The following NNT variants were observed in gnomAD, a reference collection of about 807,000 sequenced individuals.
NNT encodes nicotinamide nucleotide transhydrogenase.
A neutral mutation model predicts 104.8 loss-of-function variants in NNT; 50 were observed. That is an observed-to-expected ratio of 0.48 (90% confidence interval 0.38 to 0.60). NNT has a LOEUF of 0.60. Ranked by LOEUF, NNT falls within the 20% of genes least tolerant of loss-of-function variation. NNT has a pLI of 0.00. For missense variants in NNT, 1,131 were observed against 1,330.7 expected (o/e 0.85, Z 2.33); for synonymous variants, 461 against 490.4 (o/e 0.94, Z 0.79).
intron 7 of NNT, among the ~76,000 whole-genome samples, chr5:43,638,448 G>C (rs991061726): frequency 6.6e-6 from 1 of 152,112 alleles, no homozygotes; most frequent in Non-Finnish European, 1.5e-5. Flanking sequence ...GGTTCTTACT[G>C]TGTAAATGAT....
chr5:43,691,355 C>T (rs964799769), intron 19 of NNT, among the ~76,000 whole-genome samples: 40 of 152,214 alleles, frequency 2.6e-4, no homozygotes, highest in African/African-American at 7.0e-4. Context: ...CCGCCCATCT[C>T]GGCCTCTTAA....
intron 18 of NNT, 106 bp from the exon 19 acceptor site, chr5:43,677,619 T>G: frequency 1.1e-6 from 1 of 943,312 alleles, no homozygotes. Flanking sequence ...TGTTAAATGA[T>G]TGCCTCTGTT....
intron 5 of NNT, among the ~76,000 whole-genome samples, chr5:43,622,065 A>T (rs147686307): frequency 6.6e-6 from 1 of 152,194 alleles, no homozygotes; most frequent in Non-Finnish European, 1.5e-5. Flanking sequence ...TAAAAAAATC[A>T]TGTGGCTGTT....
Position 43,645,417 on chromosome 5 carries a change from A to G in NNT, c.1351A>G (p.Lys451Glu). 1 of 1,569,678 alleles carries G rather than the reference A, an allele frequency of 6.4e-7. No homozygotes were observed. Among genetic ancestry groups the G allele is most frequent in the Non-Finnish European group, 8.6e-7 (1 of 1,156,522 alleles). Residue 451 changes from lysine to glutamate, a missense_variant, in exon 10 of 22, where the codon AAA becomes GAA. Physicochemically the swap from Lys to Glu is moderately conservative, Grantham distance 56 (BLOSUM62 1). Coordinates refer to ENST00000344920, the MANE Select transcript of NNT (RefSeq NM_182977.3). ...AAATATTCCTCAAGGTGCCCCAGTAAAACAGAAGACAGTGGCTGAGCTGGA... is the reference window on the plus strand; with the variant it reads ...AAATATTCCTCAAGGTGCCCCAGTAGAACAGAAGACAGTGGCTGAGCTGGA... ...PKNIPQGAPVKQKTVAELEAE... is the reference protein window; with the variant it reads ...PKNIPQGAPVEQKTVAELEAE...
intron 17 of NNT, among the ~76,000 whole-genome samples, chr5:43,660,592 T>A (rs943207513): frequency 2.0e-5 from 3 of 152,202 alleles, no homozygotes; most frequent in African/African-American, 7.2e-5. Flanking sequence ...GGGTAATTTA[T>A]GAAGTAAAGA....
At chr5:43,659,150 C>T (rs887610716) in intron 16 of NNT, 21 bp from the exon 17 acceptor site, 5 of 1,524,796 alleles carry the variant, frequency 3.3e-6, no homozygotes, top group Non-Finnish European at 4.4e-6. Flanking sequence ...ATTTTGAGTT[C>T]TGATTTGATT....
chr5:43,616,658 A>C (rs35773835), intron 4 of NNT, among the ~76,000 whole-genome samples: 5,876 of 152,266 alleles, frequency 0.039, 146 homozygotes, highest in East Asian at 0.12. Flanking sequence ...AATACATTCT[A>C]TGTTGATTGC....
chr5:43,688,318 G>T (rs1244640930), intron 19 of NNT, among the ~76,000 whole-genome samples: 3 of 152,134 alleles, frequency 2.0e-5, no homozygotes, highest in Admixed American at 6.5e-5. Flanking sequence ...AAGTTGGGGT[G>T]ATGTAGCCCC....
At chr5:43,635,680 G>A (rs192091109) in intron 7 of NNT, among the ~76,000 whole-genome samples, 1 of 152,264 alleles carries the variant, frequency 6.6e-6, no homozygotes, top group East Asian at 1.9e-4. Flanking sequence ...GCTTGTGGTT[G>A]GCTGCCCTCT....
At chr5:43,625,378 T>G (rs1750306521) in intron 6 of NNT, among the ~76,000 whole-genome samples, 1 of 152,190 alleles carries the variant, frequency 6.6e-6, no homozygotes, top group African/African-American at 2.4e-5. Context: ...TTTTTCTTTA[T>G]AATTTATTAA....
intron 17 of NNT, among the ~76,000 whole-genome samples, chr5:43,665,441 C>T (rs527962874): frequency 1.3e-4 from 19 of 151,984 alleles, no homozygotes; most frequent in South Asian, 4.2e-4. Context: ...TGACTCTTAA[C>T]GAGCATGCTG....
intron 19 of NNT, among the ~76,000 whole-genome samples, chr5:43,695,799 T>A (rs1358094146): frequency 6.6e-6 from 1 of 152,112 alleles, no homozygotes; most frequent in Non-Finnish European, 1.5e-5. Context: ...TCAAGTCACA[T>A]CTTACATGGA....
At chr5:43,603,720 G>A (rs1300803810) in intron 1 of NNT, among the ~76,000 whole-genome samples, 1 of 152,112 alleles carries the variant, frequency 6.6e-6, no homozygotes, top group East Asian at 1.9e-4. Context: ...GAGGACTTTC[G>A]ATGGGCGGTT....
At chr5:43,636,197 G>A (rs570673709) in intron 7 of NNT, among the ~76,000 whole-genome samples, 7 of 152,074 alleles carry the variant, frequency 4.6e-5, no homozygotes, top group African/African-American at 7.2e-5. Flanking sequence ...GTGTAGGGCT[G>A]GGCATAGAGA....
At position 43,605,002 on chromosome 5, in the gene NNT, G is replaced by A. The variant is rs527882437; in HGVS notation, c.-54+1708G>A. Among the ~76,000 whole-genome samples the A allele has an allele frequency of 3.3e-5, 5 of 152,220 alleles. No individual in the cohort carries two copies. The South Asian group carries it at 1.0e-3, about 32-fold the overall frequency. ...TATTATTCCCCATTTTAAAGATGAG[G>A]AAATTAAGTACAGGGAAGTTAAGTG... On this transcript the variant is annotated intron_variant, in intron 1 of 21. Transcript: ENST00000344920.
intron 19 of NNT, among the ~76,000 whole-genome samples, chr5:43,693,035 T>A (rs1476349163): frequency 6.6e-6 from 1 of 150,774 alleles, no homozygotes; most frequent in East Asian, 2.0e-4. Flanking sequence ...TTAAGTAAGC[T>A]TTATTTATTT....
At chr5:43,648,476 A>G (rs1037648173) in intron 10 of NNT, 2 of 154,832 alleles carry the variant, frequency 1.3e-5, no homozygotes, top group African/African-American at 4.8e-5. Flanking sequence ...GCACATTCTT[A>G]ATTTAATTTG....
At chr5:43,702,074 CTT>C (rs534152103) in intron 20 of NNT, among the ~76,000 whole-genome samples, 115 of 152,056 alleles carry the variant, frequency 7.6e-4, no homozygotes, top group Admixed American at 2.4e-3. Flanking sequence ...TGTTTACTCT[CTT>C]GTTAGTTTCT....
intron 1 of NNT, among the ~76,000 whole-genome samples, chr5:43,604,559 A>C (rs1749104736): frequency 6.6e-6 from 1 of 152,228 alleles, no homozygotes; most frequent in Non-Finnish European, 1.5e-5. Context: ...CTATTCATTC[A>C]GTCAAAAATA....
Sources: allele counts gnomAD v4.1 joint callset (sites outside exome capture counted in the v4.1 genomes callset), GRCh38; gene constraint gnomAD v4.1.1; transcripts MANE v1.5; gene names NCBI Gene and HGNC (gene_info 2026-07-23, HGNC 2026-07-21).